The following RNF40 variants were observed in gnomAD, a reference collection of about 807,000 sequenced individuals.
RNF40 encodes ring finger protein 40.
A neutral mutation model predicts 123.3 loss-of-function variants in RNF40; 39 were observed. The ratio of observed to expected loss-of-function variants is 0.32; its 90% CI spans 0.24 to 0.41. The LOEUF (loss-of-function observed/expected upper bound fraction) is 0.41, where lower values mean the gene tolerates loss of function less well. Among genes scored for constraint, RNF40 ranks in the 10% least tolerant of loss-of-function variants. The pLI, the probability that RNF40 is intolerant of heterozygous loss-of-function variation, is 1.00. For synonymous variants in RNF40, 538 were observed against 526.0 expected (o/e 1.02, Z -0.31); for missense variants, 1,003 against 1,319.9 (o/e 0.76, Z 3.72).
At position 30,768,223 on chromosome 16, in the gene RNF40, C is replaced by G. The variant is rs778997063; in HGVS notation, c.1672C>G (p.Pro558Ala). The change falls in exon 13 of 20, where the codon CCC (proline) becomes GCC (alanine). Residue 558 changes from proline to alanine, a missense_variant. Pro to Ala is a conservative substitution (Grantham distance 27, BLOSUM62 -1). Around this residue, in one of 11 missense-constraint regions of RNF40, gnomAD observed 295 missense variants for 331.7 expected, o/e 0.89. Coordinates refer to ENST00000324685, the MANE Select transcript of RNF40 (RefSeq NM_014771.4). This position sits in a 1 kb window ranked among gnomAD's most constrained non-coding sequence, Gnocchi z 4.1. ...EEGGPGPVST[P>A]DNRKEMAPVP... ...GGGTGGGCCAGGCCCTGTCAGTACCCCCGACAACAGAAAGGAGATGGCTCC... is the reference window on the plus strand; with the variant it reads ...GGGTGGGCCAGGCCCTGTCAGTACCGCCGACAACAGAAAGGAGATGGCTCC... The G allele has an allele frequency of 1.2e-6, 2 of 1,613,668 alleles. No individual in the cohort carries two copies. The highest frequency in any genetic ancestry group is 1.3e-5 in the African/African-American group (1 of 74,924).
At chr16:30,767,003 C>A in intron 11 of RNF40, 127 bp downstream of exon 11, 1 of 1,237,002 alleles carries the variant, frequency 8.1e-7, no homozygotes. Context: ...GCTTCCTATG[C>A]AAAACAGGGC....
At position 30,763,069 on chromosome 16, in the gene RNF40, T is replaced by C. The variant is rs550630138; in HGVS notation, c.133-49T>C. The C allele has an allele frequency of 1.9e-6, 3 of 1,605,472 alleles. No homozygotes were observed. The South Asian group carries it at 3.3e-5, about 18-fold the overall frequency. On this transcript the variant is annotated intron_variant, in intron 2 of 19. Coordinates refer to ENST00000324685, the MANE Select transcript of RNF40 (RefSeq NM_014771.4). ...CCTCTTTCTCTCTCTGTGATTGGTT[T>C]GTGGGCCCTGCTTGACGCTCTCGTC...
chr16:30,775,084 A>G lies in RNF40; in HGVS notation c.*970A>G, dbSNP rs1021900773. ...TGTGAGGGCAGTGCCCGGAGAGGCC[A>G]GAGGGTTGGAGCTGCAGGGACCCGT... On this transcript the variant is annotated 3_prime_UTR_variant, in exon 20 of 20. Transcript: ENST00000324685. 5.7e-5 allele frequency: 26 copies of G among 455,650 alleles called. No individual in the cohort carries two copies. The highest frequency in any genetic ancestry group is 5.0e-4 in the African/African-American group (25 of 50,068). 28.2% of individuals were successfully genotyped at this position (455,650 alleles called of 1,614,324 possible).
In RNF40 at chr16:30,774,503, C is replaced by T. The variant is rs11642862; in HGVS notation, c.*389C>T. 0.086 allele frequency: 18,863 copies of T among 218,486 alleles called. 927 individuals are homozygous for T. The highest frequency in any genetic ancestry group is 0.11 in the Non-Finnish European group (11,533 of 108,054). The allele number at this position is 218,486 out of a possible 1,614,324, so 13.5% of individuals were successfully genotyped here. The stretch of plus-strand genomic sequence containing the variant: ...CTAGAGAAGGCTCGCTCCCTGCCTA[C>T]TGGCTCACAAATGAGGACCAGTGAG... On this transcript the variant is annotated 3_prime_UTR_variant, in exon 20 of 20. Transcript: ENST00000324685.
Position 30,768,655 on chromosome 16 carries a change from G to A in RNF40, c.2016G>A (p.Leu672=). The A allele has an allele frequency of 5.0e-6, 8 of 1,614,252 alleles. No homozygotes were observed. The highest frequency in any genetic ancestry group is 6.8e-6 in the Non-Finnish European group (8 of 1,180,046). ...AQESQKEMKL[L]LDMYKSAPKE... is the part of the protein sequence containing the mutation. The stretch of plus-strand genomic sequence containing the variant: ...AGAGCCAGAAGGAGATGAAACTGCT[G>A]CTGGATATGTACAAGTCAGCGCCCA... Residue 672 remains leucine, a synonymous_variant, in exon 14 of 20, where the codon CTG becomes CTA. Coordinates refer to ENST00000324685, the MANE Select transcript of RNF40 (RefSeq NM_014771.4). This position sits in a 1 kb window ranked among gnomAD's most constrained non-coding sequence, Gnocchi z 4.1.
At chr16:30,761,947 T>G, upstream of RNF40, 1 of 592,954 alleles carries the variant, frequency 1.7e-6, no homozygotes, top group Non-Finnish European at 2.9e-6. Flanking sequence ...AGGGGGCTTG[T>G]GAGGGAAGGA....
chr16:30,762,136 A>C (rs1179810489), upstream of RNF40: 1 of 320,238 alleles, frequency 3.1e-6, no homozygotes, highest in Non-Finnish European at 5.7e-6. Flanking sequence ...CCTCTTGGCC[A>C]ATCACCGAGA....
At chr16:30,763,927 G>A (rs755090087) in intron 4 of RNF40, among the ~76,000 whole-genome samples, 4 of 152,182 alleles carry the variant, frequency 2.6e-5, no homozygotes, top group Non-Finnish European at 5.9e-5. Context: ...ATGCATGTGC[G>A]TGTGATTCTA....
chr16:30,766,905 G>T lies in RNF40; in HGVS notation c.1429+29G>T. On this transcript the variant is annotated intron_variant, in intron 11 of 19. Transcript: ENST00000324685. The surrounding 1 kb of genome is among the most constrained non-coding windows in gnomAD (Gnocchi z 5.4). Reference sequence around the variant, plus strand: ...TGTGGTGAGGATAGGGCGGAGGTGGGGCCTTATCTGGGAGTGCTGGGCCCT... The same window carrying T: ...TGTGGTGAGGATAGGGCGGAGGTGGTGCCTTATCTGGGAGTGCTGGGCCCT... 1 of 1,606,554 alleles carries T rather than the reference G, an allele frequency of 6.2e-7. No individual in the cohort carries two copies. Among genetic ancestry groups the T allele is most frequent in the East Asian group, 2.2e-5 (1 of 44,780 alleles).
chr16:30,769,954 C>G (rs568450744), intron 17 of RNF40, among the ~76,000 whole-genome samples: 21 of 152,024 alleles, frequency 1.4e-4, no homozygotes, highest in African/African-American at 5.1e-4. Context: ...TTAAAATTAG[C>G]TGGGTGTGCT....
At position 30,766,803 on chromosome 16, in the gene RNF40, G is replaced by C. The variant is rs755754211; in HGVS notation, c.1356G>C (p.Leu452=). ...RTEVIQLEDT[L]AQVRKEYEML... Reference sequence around the variant, plus strand: ...AGGTCATTCAGCTGGAGGACACGCTGGCCCAGGTACGCAAGGAGTATGAGA... The same window carrying C: ...AGGTCATTCAGCTGGAGGACACGCTCGCCCAGGTACGCAAGGAGTATGAGA... Residue 452 remains leucine (L), a synonymous_variant, in exon 11 of 20, where the codon CTG becomes CTC. Coordinates refer to ENST00000324685, the MANE Select transcript of RNF40 (RefSeq NM_014771.4). This position sits in a 1 kb window ranked among gnomAD's most constrained non-coding sequence, Gnocchi z 5.4. 6.2e-7 allele frequency: 1 copy of C among 1,614,096 alleles called. No individual in the cohort carries two copies. Among genetic ancestry groups the C allele is most frequent in the African/African-American group, 1.3e-5 (1 of 75,062 alleles).
intron 11 of RNF40, 189 bp from the exon 12 acceptor site, chr16:30,767,705 T>A (rs900818594): frequency 6.4e-6 from 4 of 627,834 alleles, no homozygotes; most frequent in African/African-American, 5.5e-5. Flanking sequence ...ATAGGCAGTG[T>A]CAAGTTAATT....
At position 30,766,641 on chromosome 16, in the gene RNF40, G is replaced by A. The variant is rs2054037683; in HGVS notation, c.1293+83G>A. 1.9e-6 allele frequency: 3 copies of A among 1,584,720 alleles called. No homozygotes were observed. Among genetic ancestry groups the A allele is most frequent in the Non-Finnish European group, 2.6e-6 (3 of 1,163,326 alleles). On this transcript the variant is annotated intron_variant, in intron 10 of 19. Coordinates refer to ENST00000324685, the MANE Select transcript of RNF40 (RefSeq NM_014771.4). The surrounding 1 kb of genome is among the most constrained non-coding windows in gnomAD (Gnocchi z 5.4). ...GTGTTTGTGCCTTCCGAGGCCCTGT[G>A]TGCCAGCCAGGGGTCCCTGGGGAAT...
rs769686628 is a variant in RNF40, at chr16:30,766,275, G to A, written c.1106G>A (p.Arg369His). 1.5e-5 allele frequency: 24 copies of A among 1,613,948 alleles called. No individual in the cohort carries two copies. In the East Asian group the frequency reaches 2.9e-4, roughly 19 times the overall value. Residue 369 changes from arginine to histidine, a missense_variant, in exon 9 of 20, where the codon CGC (arginine) becomes CAC (histidine). Physicochemically the swap from Arg to His is conservative, Grantham distance 29. This residue lies in a region of RNF40 where 274 missense variants were observed against 356.9 expected (regional missense o/e 0.77). Coordinates refer to ENST00000324685, the MANE Select transcript of RNF40 (RefSeq NM_014771.4). The surrounding 1 kb of genome is among the most constrained non-coding windows in gnomAD (Gnocchi z 5.4). ...CAGGGGGCTGTGCGGACCAATGAGCGCCTCAAGGTGGGCTGCTGTAGGGGC... is the reference window on the plus strand; with the variant it reads ...CAGGGGGCTGTGCGGACCAATGAGCACCTCAAGGTGGGCTGCTGTAGGGGC... ...ELQGAVRTNE[R>H]LKVALRSLPE... is the part of the protein sequence containing the mutation.
In RNF40 at chr16:30,763,576, G is replaced by T; in HGVS notation, c.442+17G>T. ...AGCTGAGAGGTAGGACCAGAGTGCT[G>T]GGATCTGGGGAGCTTAAGTTCTGGG... On this transcript the variant is annotated intron_variant, in intron 4 of 19. Transcript: ENST00000324685. 1.2e-6 allele frequency: 2 copies of T among 1,613,356 alleles called. No homozygotes were observed. Among genetic ancestry groups the T allele is most frequent in the Non-Finnish European group, 1.7e-6 (2 of 1,179,800 alleles).
At chr16:30,767,795 C>T in intron 11 of RNF40, 99 bp from the exon 12 acceptor site, 1 of 1,516,528 alleles carries the variant, frequency 6.6e-7, no homozygotes, top group Non-Finnish European at 9.1e-7. Flanking sequence ...TCCCCTCCTG[C>T]ACAGTGGGAG....
In RNF40 at chr16:30,766,052, C is replaced by A; in HGVS notation, c.994-111C>A. On this transcript the variant is annotated intron_variant, in intron 8 of 19. Transcript: ENST00000324685. The surrounding 1 kb of genome is among the most constrained non-coding windows in gnomAD (Gnocchi z 5.4). ...AGTACTTGGTTTGGGGTGTCAGAATCGATCATTGCCCTGCACGGGGTGCTT... is the reference window on the plus strand; with the variant it reads ...AGTACTTGGTTTGGGGTGTCAGAATAGATCATTGCCCTGCACGGGGTGCTT... The A allele has an allele frequency of 6.8e-7, 1 of 1,474,958 alleles. No homozygotes were observed. Among genetic ancestry groups the A allele is most frequent in the South Asian group, 1.2e-5 (1 of 82,536 alleles). The allele number at this position is 1,474,958 out of a possible 1,614,324, so 91.4% of individuals were successfully genotyped here.
chr16:30,768,189 G>A lies in RNF40; in HGVS notation c.1638G>A (p.Gly546=), dbSNP rs2054074580. ...EDSGVSAPAP[G]KEEGGPGPVS... ...CTGGCGTCAGTGCCCCAGCCCCAGG[G>A]AAAGAGGAGGGTGGGCCAGGCCCTG... is the stretch of plus-strand genomic sequence containing the variant. Residue 546 remains glycine, a synonymous_variant, in exon 13 of 20, where the codon GGG becomes GGA. Coordinates refer to ENST00000324685, the MANE Select transcript of RNF40 (RefSeq NM_014771.4). The surrounding 1 kb of genome is among the most constrained non-coding windows in gnomAD (Gnocchi z 4.1). The A allele has an allele frequency of 1.2e-6, 2 of 1,613,186 alleles. No individual in the cohort carries two copies. The highest frequency in any genetic ancestry group is 1.7e-6 in the Non-Finnish European group (2 of 1,179,712).
chr16:30,767,372 G>A (rs945491056), intron 11 of RNF40, among the ~76,000 whole-genome samples: 11 of 152,174 alleles, frequency 7.2e-5, no homozygotes, highest in Admixed American at 3.9e-4. Flanking sequence ...CAGGAGAAAG[G>A]GTGTTGCAAT....
Sources: allele counts gnomAD v4.1 joint callset (sites outside exome capture counted in the v4.1 genomes callset), GRCh38; gene constraint gnomAD v4.1.1; regional missense constraint gnomAD v4.1.1; non-coding constraint Gnocchi (gnomAD v3.1); transcripts MANE v1.5; gene names NCBI Gene and HGNC (gene_info 2026-07-23, HGNC 2026-07-21).